Variants in PDE1A observed in about 807,000 individuals in gnomAD.
PDE1A encodes the protein dual specificity calcium/calmodulin-dependent 3',5'-cyclic nucleotide phosphodiesterase 1A.
In PDE1A, 35 loss-of-function variants were observed where a neutral mutation model predicts 61.7. The ratio of observed to expected loss-of-function variants is 0.57; its 90% confidence interval spans 0.43 to 0.75. The LOEUF (loss-of-function observed/expected upper bound fraction) is 0.75, where lower values mean the gene tolerates loss of function less well. Among genes scored for constraint, PDE1A ranks in the 30% least tolerant of loss-of-function variants. PDE1A has a pLI of 0.00. For synonymous variants in PDE1A, 232 were observed against 213.2 expected (o/e 1.09, Z -0.77); for missense variants, 597 against 630.6 (o/e 0.95, Z 0.57).
the PDE1A span, among the ~76,000 whole-genome samples, chr2:182,687,305 C>T: frequency 3.9e-5 from 6 of 152,308 alleles, no homozygotes; most frequent in Admixed American, 2.6e-4. Flanking sequence ...ACTGACACCA[C>T]ACAGGGCTGG....
At chr2:182,659,985 C>A in the PDE1A span, among the ~76,000 whole-genome samples, 1 of 152,110 alleles carries the variant, frequency 6.6e-6, no homozygotes, top group Non-Finnish European at 1.5e-5. Context: ...TGACTAACAG[C>A]AAGACATTAG....
chr2:182,608,284 C>G, the PDE1A span, among the ~76,000 whole-genome samples: 5 of 152,376 alleles, frequency 3.3e-5, no homozygotes, highest in East Asian at 9.7e-4. Context: ...AAGAAATTAT[C>G]TGACCTACCT....
chr2:182,678,372 G>A, the PDE1A span, among the ~76,000 whole-genome samples: 4 of 152,252 alleles, frequency 2.6e-5, no homozygotes, highest in African/African-American at 9.6e-5. Flanking sequence ...GCAGTGAGCC[G>A]ATATCATGCC....
the PDE1A span, among the ~76,000 whole-genome samples, chr2:182,626,792 CATATATAT>C: frequency 5.6e-4 from 5 of 8,972 alleles, no homozygotes; most frequent in Non-Finnish European, 7.9e-4. Context: ...CATATATATA[CATATATAT>C]ACATATATAT....
At chr2:182,497,208 A>C (rs1177850745) in intron 2 of PDE1A, among the ~76,000 whole-genome samples, 1 of 152,342 alleles carries the variant, frequency 6.6e-6, no homozygotes, top group East Asian at 1.9e-4. Context: ...ATCCCTCAAA[A>C]GGACAGTGTG....
intron 1 of PDE1A, among the ~76,000 whole-genome samples, chr2:182,284,985 T>A (rs1278643615): frequency 6.6e-6 from 1 of 152,146 alleles, no homozygotes; most frequent in Non-Finnish European, 1.5e-5. Flanking sequence ...CATGCACTTT[T>A]AACCAATGCA....
At chr2:182,353,464 G>C (rs1699005575) in intron 1 of PDE1A, among the ~76,000 whole-genome samples, 1 of 152,004 alleles carries the variant, frequency 6.6e-6, no homozygotes, top group Admixed American at 6.6e-5. Flanking sequence ...TTCTTTGCTT[G>C]GTATTTCACA....
the PDE1A span, among the ~76,000 whole-genome samples, chr2:182,651,000 G>T: frequency 6.6e-6 from 1 of 151,958 alleles, no homozygotes; most frequent in Non-Finnish European, 1.5e-5. Context: ...TTGGGTTTTT[G>T]TTTTGTTTTG....
chr2:182,230,387 T>G (rs1689481012), intron 5 of PDE1A, among the ~76,000 whole-genome samples: 1 of 152,222 alleles, frequency 6.6e-6, no homozygotes, highest in Admixed American at 6.5e-5. Context: ...ACTTGTACTA[T>G]AGGCTTGAAA....
chr2:182,262,133 T>C (rs190138036), intron 2 of PDE1A, among the ~76,000 whole-genome samples: 2 of 149,650 alleles, frequency 1.3e-5, no homozygotes, highest in African/African-American at 2.6e-5. Context: ...CTTTCTCCTT[T>C]CTTTCTTTCT....
chr2:182,284,524 G>T (rs1465951333), intron 1 of PDE1A, among the ~76,000 whole-genome samples: 2 of 151,882 alleles, frequency 1.3e-5, no homozygotes, highest in Non-Finnish European at 2.9e-5. Context: ...GGAGGGAAAT[G>T]AGTATAAGTT....
intron 1 of PDE1A, among the ~76,000 whole-genome samples, chr2:182,389,524 C>T (rs1260663805): frequency 3.3e-5 from 5 of 151,852 alleles, no homozygotes; most frequent in African/African-American, 9.7e-5. Context: ...CAGGGAAATG[C>T]AAATTAAAAC....
chr2:182,586,613 T>C, the PDE1A span, among the ~76,000 whole-genome samples: 3 of 152,230 alleles, frequency 2.0e-5, no homozygotes, highest in Non-Finnish European at 2.9e-5. Flanking sequence ...GTCTTTGTTA[T>C]GCATTATAGG....
chr2:182,242,022 C>A, intron 2 of PDE1A: 2 of 1,389,600 alleles, frequency 1.4e-6, no homozygotes, highest in Non-Finnish European at 1.9e-6. Flanking sequence ...ATGCAGTGAT[C>A]AGATACAGTG....
chr2:182,228,039 C>T (rs1483393182), intron 6 of PDE1A, among the ~76,000 whole-genome samples: 2 of 152,060 alleles, frequency 1.3e-5, no homozygotes, highest in Non-Finnish European at 2.9e-5. Flanking sequence ...TGGCCAAGGC[C>T]CTTGTATAAT....
chr2:182,436,567 T>A (rs201690538), intron 2 of PDE1A, among the ~76,000 whole-genome samples: 3 of 151,974 alleles, frequency 2.0e-5, no homozygotes, highest in East Asian at 3.9e-4. Context: ...TCTTGCTCTA[T>A]GGTACTAGAA....
chr2:182,364,466 T>TAAAAAAACAAAAA (rs1699701242), intron 1 of PDE1A, among the ~76,000 whole-genome samples: 1 of 35,840 alleles, frequency 2.8e-5, no homozygotes, highest in Non-Finnish European at 5.1e-5. Context: ...AACACTTTGG[T>TAAAAAAACAAAAA]AAAAAAAAAA....
the PDE1A span, among the ~76,000 whole-genome samples, chr2:182,533,064 C>G: frequency 8.6e-5 from 13 of 151,508 alleles, no homozygotes; most frequent in Non-Finnish European, 1.9e-4. Flanking sequence ...GTAAACCCAG[C>G]ACTTTGGGAG....
chr2:182,579,780 T>A, the PDE1A span, among the ~76,000 whole-genome samples: 1 of 152,190 alleles, frequency 6.6e-6, no homozygotes, highest in Non-Finnish European at 1.5e-5. Context: ...TATAAATTAT[T>A]ATAATAAAGT....
Sources: allele counts gnomAD v4.1 joint callset (sites outside exome capture counted in the v4.1 genomes callset), GRCh38; gene constraint gnomAD v4.1.1; transcripts MANE v1.5; gene names NCBI Gene and HGNC (gene_info 2026-07-23, HGNC 2026-07-21).